AUTS2: variants seen among roughly 807,000 people sequenced by gnomAD.
AUTS2 encodes the protein autism susceptibility gene 2 protein.
AUTS2 carries 17 observed loss-of-function variants against 112.4 expected under a neutral mutation model. That is an observed-to-expected ratio of 0.15 (90% CI 0.10 to 0.23). AUTS2 has a LOEUF of 0.23. AUTS2 is among the 10% of genes least tolerant of loss of function. The pLI, the probability that AUTS2 is intolerant of heterozygous loss-of-function variation, is 1.00. For missense variants in AUTS2, 1,510 were observed against 1,701.6 expected (o/e 0.89, Z 1.98); for synonymous variants, 751 against 702.7 (o/e 1.07, Z -1.09).
chr7:69,662,846 G>A (rs1056622851), intron 1 of AUTS2, among the ~76,000 whole-genome samples: 1 of 152,068 alleles, frequency 6.6e-6, no homozygotes, highest in Non-Finnish European at 1.5e-5. Context: ...TATGATTTTA[G>A]TTATAACAGA....
intron 2 of AUTS2, among the ~76,000 whole-genome samples, chr7:70,052,048 C>CA (rs1801778655): frequency 6.6e-6 from 1 of 152,070 alleles, no homozygotes; most frequent in African/African-American, 2.4e-5. Context: ...ATGGTCACAA[C>CA]AAGCAATCAA....
intron 5 of AUTS2, among the ~76,000 whole-genome samples, chr7:70,493,742 C>T (rs1275810449): frequency 6.6e-6 from 1 of 152,036 alleles, no homozygotes; most frequent in African/African-American, 2.4e-5. Flanking sequence ...CCTTTACTTT[C>T]TTGTGATTTC....
intron 1 of AUTS2, among the ~76,000 whole-genome samples, chr7:69,821,916 CAA>C (rs34912846): frequency 1.4e-3 from 110 of 76,786 alleles, no homozygotes; most frequent in African/African-American, 3.0e-3. Context: ...ACAGGGTCTC[CAA>C]AAAAAAAAAA....
At chr7:70,630,616 C>A (rs1375778413) in intron 5 of AUTS2, among the ~76,000 whole-genome samples, 1 of 152,176 alleles carries the variant, frequency 6.6e-6, no homozygotes, top group African/African-American at 2.4e-5. Context: ...TGGAGAGGCC[C>A]ATGCAGTGAG....
intron 5 of AUTS2, among the ~76,000 whole-genome samples, chr7:70,440,031 T>C (rs188965551): frequency 6.6e-6 from 1 of 152,130 alleles, no homozygotes. Context: ...CTTGGCTTTC[T>C]CAGCTGTCAA....
At chr7:70,679,078 A>C (rs1022175704) in intron 5 of AUTS2, among the ~76,000 whole-genome samples, 3 of 152,344 alleles carry the variant, frequency 2.0e-5, no homozygotes, top group African/African-American at 7.2e-5. Flanking sequence ...TATACCAAGC[A>C]TAATGAGAGA....
chr7:69,883,126 A>G (rs1034978861), intron 1 of AUTS2, among the ~76,000 whole-genome samples: 2 of 152,170 alleles, frequency 1.3e-5, no homozygotes, highest in Non-Finnish European at 2.9e-5. Flanking sequence ...TCGGACTCAG[A>G]TGTAACCGCC....
intron 4 of AUTS2, among the ~76,000 whole-genome samples, chr7:70,335,305 C>T (rs896358591): frequency 3.3e-5 from 5 of 152,168 alleles, no homozygotes; most frequent in African/African-American, 1.2e-4. Context: ...ATCTGCTTTA[C>T]TACACACTCT....
intron 6 of AUTS2, among the ~76,000 whole-genome samples, chr7:70,755,465 G>A (rs371903640): frequency 2.0e-5 from 3 of 151,944 alleles, no homozygotes; most frequent in Admixed American, 2.0e-4. Context: ...TCAGGAGTTC[G>A]AGACCAGCCT....
At chr7:69,847,519 AC>A (rs1792260853) in intron 1 of AUTS2, among the ~76,000 whole-genome samples, 1 of 152,202 alleles carries the variant, frequency 6.6e-6, no homozygotes, top group Non-Finnish European at 1.5e-5. Context: ...CAGCACCAGT[AC>A]ATCTCTGGGA....
intron 1 of AUTS2, among the ~76,000 whole-genome samples, chr7:69,604,360 A>G (rs1792598121): frequency 6.6e-6 from 1 of 152,250 alleles, no homozygotes; most frequent in African/African-American, 2.4e-5. Context: ...GGAGTGCTTA[A>G]TATGTACAAG....
intron 1 of AUTS2, among the ~76,000 whole-genome samples, chr7:69,659,344 G>T (rs551093275): frequency 6.6e-6 from 1 of 151,850 alleles, no homozygotes; most frequent in African/African-American, 2.4e-5. Context: ...AATTTTGTCC[G>T]TATATTCATT....
At chr7:70,612,531 C>G (rs1804148657) in intron 5 of AUTS2, among the ~76,000 whole-genome samples, 1 of 151,912 alleles carries the variant, frequency 6.6e-6, no homozygotes, top group Non-Finnish European at 1.5e-5. Flanking sequence ...TATTGTCCTT[C>G]AAGTTGAGGA....
intron 6 of AUTS2, among the ~76,000 whole-genome samples, chr7:70,737,472 A>C (rs1385423200): frequency 6.6e-6 from 1 of 152,266 alleles, no homozygotes; most frequent in Non-Finnish European, 1.5e-5. Context: ...TTTGTAGTGC[A>C]AGATAGAAAT....
intron 4 of AUTS2, among the ~76,000 whole-genome samples, chr7:70,361,476 G>T (rs190854385): frequency 7.9e-5 from 12 of 152,168 alleles, no homozygotes; most frequent in Admixed American, 7.2e-4. Flanking sequence ...TGTGATCTCC[G>T]GGCATGTGCT....
chr7:70,272,207 A>T (rs1188234203), intron 4 of AUTS2, among the ~76,000 whole-genome samples: 1 of 152,074 alleles, frequency 6.6e-6, no homozygotes, highest in Non-Finnish European at 1.5e-5. Context: ...TTCAAAACCA[A>T]ACCAAGGGAA....
intron 5 of AUTS2, among the ~76,000 whole-genome samples, chr7:70,632,610 T>C (rs2129538575): frequency 6.6e-6 from 1 of 152,116 alleles, no homozygotes; most frequent in Admixed American, 6.6e-5. Flanking sequence ...GGCTCCCACG[T>C]CTTCCCTGCC....
chr7:69,848,030 T>A (rs1013712972), intron 1 of AUTS2, among the ~76,000 whole-genome samples: 19 of 152,218 alleles, frequency 1.2e-4, no homozygotes, highest in Non-Finnish European at 2.5e-4. Context: ...AACTGAGGCA[T>A]GGGATAGAGA....
At chr7:70,389,582 A>G (rs1360163045) in intron 4 of AUTS2, among the ~76,000 whole-genome samples, 2 of 152,064 alleles carry the variant, frequency 1.3e-5, no homozygotes, top group Admixed American at 6.5e-5. Flanking sequence ...AAACAGCCAA[A>G]TGGAAATTAT....
Sources: gnomAD v4.1 joint callset for allele counts (sites outside exome capture counted in the v4.1 genomes callset) on GRCh38, gnomAD v4.1.1 for gene constraint, MANE v1.5 for transcripts, NCBI Gene and HGNC (gene_info 2026-07-23, HGNC 2026-07-21) for gene names.